The following OSBPL10 variants were observed in gnomAD, a reference collection of about 807,000 sequenced individuals.
OSBPL10 encodes oxysterol binding protein like 10, also known as oxysterol-binding protein-related protein 10.
In OSBPL10, 49 loss-of-function variants were observed where a neutral mutation model predicts 81.7. That is an observed-to-expected ratio of 0.60 (90% CI 0.48 to 0.76). OSBPL10 has a LOEUF of 0.76. OSBPL10 is among the 30% of genes least tolerant of loss of function. The pLI is 0.00. For synonymous variants in OSBPL10, 419 were observed against 383.6 expected, an observed-to-expected ratio of 1.09 and a Z score of -1.08; for missense variants, 923 against 987.8, an observed-to-expected ratio of 0.93 and a Z score of 0.88.
At chr3:31,773,193 G>A (rs113035941) in intron 4 of OSBPL10, among the ~76,000 whole-genome samples, 3,901 of 152,054 alleles carry the variant, frequency 0.026, 78 homozygotes, top group Middle Eastern at 0.034. Flanking sequence ...ATACAGATTG[G>A]CAAATTTCCT....
At chr3:31,784,610 T>C (rs573204184) in intron 4 of OSBPL10, among the ~76,000 whole-genome samples, 21 of 152,222 alleles carry the variant, frequency 1.4e-4, no homozygotes, top group African/African-American at 4.8e-4. Flanking sequence ...TGAGACAAGG[T>C]CTCGCTTTGT....
chr3:31,758,028 A>G (rs1352782500), intron 4 of OSBPL10, among the ~76,000 whole-genome samples: 2 of 152,238 alleles, frequency 1.3e-5, no homozygotes, highest in Non-Finnish European at 2.9e-5. Context: ...ACTAAACTAT[A>G]GAGCCTCATC....
At chr3:31,914,946 T>C (rs572094123) in intron 1 of OSBPL10, among the ~76,000 whole-genome samples, 113 of 152,122 alleles carry the variant, frequency 7.4e-4, no homozygotes, top group Non-Finnish European at 1.1e-3. Context: ...GATGTGTCTA[T>C]TGTGTTTTGT....
intron 4 of OSBPL10, among the ~76,000 whole-genome samples, chr3:31,805,599 TCATAGGTAAGA>T (rs1434164018): frequency 6.6e-6 from 1 of 152,214 alleles, no homozygotes. Context: ...ATTCTTGCTC[TCATAGGTAAGA>T]CATAAAGTGA....
intron 3 of OSBPL10, among the ~76,000 whole-genome samples, chr3:31,856,228 T>G (rs554060450): frequency 1.3e-5 from 2 of 152,018 alleles, no homozygotes; most frequent in Non-Finnish European, 2.9e-5. Context: ...GGAGAAGGTA[T>G]GCAAAATTGT....
Position 31,688,690 on chromosome 3 carries a change from A to G in OSBPL10, c.1246-4576T>C, listed in dbSNP as rs78005107. 3.8e-4 allele frequency among the ~76,000 whole-genome samples: 58 copies of G among 152,340 alleles called. 3 individuals are homozygous for G. The highest frequency in any genetic ancestry group is 2.3e-3 in the East Asian group (12 of 5,188). ...CTATGCTTTTAATTCTTCTGAGTATATCCAGCCAAGTTTTCAGTTGCTGCT... is the reference window on the plus strand; with the variant it reads ...CTATGCTTTTAATTCTTCTGAGTATGTCCAGCCAAGTTTTCAGTTGCTGCT... On this transcript the variant is annotated intron_variant, in intron 7 of 11. Coordinates refer to ENST00000396556, the MANE Select transcript of OSBPL10 (RefSeq NM_017784.5).
intron 7 of OSBPL10, among the ~76,000 whole-genome samples, chr3:31,696,813 T>G (rs1695735521): frequency 6.6e-6 from 1 of 152,248 alleles, no homozygotes; most frequent in South Asian, 2.1e-4. Flanking sequence ...CTCTCAAACT[T>G]GTACCTGAGC....
At chr3:31,719,972 T>C (rs1256991334) in intron 6 of OSBPL10, among the ~76,000 whole-genome samples, 1 of 151,150 alleles carries the variant, frequency 6.6e-6, no homozygotes, top group Non-Finnish European at 1.5e-5. Context: ...AGATATATTG[T>C]CTAATTGACA....
chr3:31,900,931 A>T lies in OSBPL10; in HGVS notation c.282-21101T>A, dbSNP rs573159323. On this transcript the variant is annotated intron_variant, in intron 1 of 11. Transcript: ENST00000396556. ...TATAATAAGGAAAAATCCATTTCTA[A>T]TTTATTAAAGTGTTAATGAAAAATA... 1.2e-3 allele frequency among the ~76,000 whole-genome samples: 189 copies of T among 152,348 alleles called. 2 individuals are homozygous for T. Among genetic ancestry groups the T allele is most frequent in the African/African-American group, 4.3e-3 (179 of 41,584 alleles).
intron 4 of OSBPL10, among the ~76,000 whole-genome samples, chr3:31,748,728 G>C (rs908463461): frequency 4.0e-5 from 6 of 150,290 alleles, no homozygotes; most frequent in African/African-American, 1.5e-4. Flanking sequence ...AGAAATTCTA[G>C]ACCCAGCCCT....
chr3:31,970,399 A>G (rs1027498441), intron 1 of OSBPL10, among the ~76,000 whole-genome samples: 4 of 152,150 alleles, frequency 2.6e-5, no homozygotes, highest in Non-Finnish European at 4.4e-5. Flanking sequence ...TCCATATTCT[A>G]GTTTTGGCCA....
upstream of OSBPL10, among the ~76,000 whole-genome samples, chr3:31,985,913 C>G (rs1202550258): frequency 2.6e-5 from 4 of 152,162 alleles, no homozygotes; most frequent in Non-Finnish European, 5.9e-5. Context: ...GCAGAGGAAA[C>G]TGAATTGAAG....
At chr3:32,020,874 G>A (rs1256658688) in intron 2 of OSBPL10, among the ~76,000 whole-genome samples, 1 of 152,218 alleles carries the variant, frequency 6.6e-6, no homozygotes, top group Non-Finnish European at 1.5e-5. Context: ...ACCACAGACT[G>A]GGTGGCTTAA....
chr3:31,884,619 G>A (rs1006040519), intron 1 of OSBPL10, among the ~76,000 whole-genome samples: 2 of 152,210 alleles, frequency 1.3e-5, no homozygotes, highest in Non-Finnish European at 2.9e-5. Flanking sequence ...GCTGTTAGGA[G>A]CACGCAGCTA....
intron 3 of OSBPL10, among the ~76,000 whole-genome samples, chr3:31,863,441 A>G (rs780732733): frequency 5.9e-5 from 9 of 152,262 alleles, no homozygotes; most frequent in Non-Finnish European, 1.3e-4. Flanking sequence ...TATGTGAATT[A>G]TATCTTAAAT....
chr3:32,017,421 C>T (rs958192817), intron 2 of OSBPL10, among the ~76,000 whole-genome samples: 4 of 151,986 alleles, frequency 2.6e-5, no homozygotes, highest in South Asian at 2.1e-4. Flanking sequence ...CAGAACTGTA[C>T]TGGATTTTAT....
chr3:31,908,042 A>C (rs1327786851), intron 1 of OSBPL10, among the ~76,000 whole-genome samples: 2 of 152,112 alleles, frequency 1.3e-5, no homozygotes, highest in Non-Finnish European at 2.9e-5. Flanking sequence ...CAAAGACTGG[A>C]AGGAAGAGGG....
intron 1 of OSBPL10, among the ~76,000 whole-genome samples, chr3:31,916,753 T>C (rs1431460078): frequency 1.3e-5 from 2 of 152,196 alleles, no homozygotes. Context: ...AGGCACCTGT[T>C]AATCTCCCTC....
chr3:31,946,093 G>T (rs1383435668), intron 1 of OSBPL10, among the ~76,000 whole-genome samples: 1 of 151,886 alleles, frequency 6.6e-6, no homozygotes, highest in Non-Finnish European at 1.5e-5. Context: ...TGATTCTCCT[G>T]CCTCAGCCTC....
Sources: gnomAD v4.1 joint callset for allele counts (sites outside exome capture counted in the v4.1 genomes callset) on GRCh38, gnomAD v4.1.1 for gene constraint, MANE v1.5 for transcripts, NCBI Gene and HGNC (gene_info 2026-07-23, HGNC 2026-07-21) for gene names.